The following SUMF1 variants were observed in gnomAD, a reference collection of about 807,000 sequenced individuals.
SUMF1 encodes sulfatase modifying factor 1.
In SUMF1, 48 loss-of-function variants were observed where a neutral mutation model predicts 47.6. The observed-to-expected ratio is 1.01, with a 90% confidence interval of 0.80 to 1.28. The LOEUF (loss-of-function observed/expected upper bound fraction) is 1.28. SUMF1 is among the 50% of genes most tolerant of loss of function. The pLI is 0.00. For synonymous variants in SUMF1, 230 were observed against 192.1 expected (o/e 1.20, Z -1.63); for missense variants, 571 against 485.4 (o/e 1.18, Z -1.66).
At chr3:4,456,741 C>T (rs1266683683) in intron 1 of SUMF1, among the ~76,000 whole-genome samples, 776 of 40,880 alleles carry the variant, frequency 0.019, 43 homozygotes, top group East Asian at 0.031. Context: ...TGTATATATA[C>T]ACACATATAT....
At chr3:4,095,675 T>C (rs967161424) in intron 8 of SUMF1, among the ~76,000 whole-genome samples, 7 of 152,050 alleles carry the variant, frequency 4.6e-5, no homozygotes, top group African/African-American at 1.7e-4. Flanking sequence ...AAATTCATAT[T>C]CCTGACTGCC....
intron 8 of SUMF1, among the ~76,000 whole-genome samples, chr3:4,164,145 G>C (rs1694645821): frequency 6.6e-6 from 1 of 152,136 alleles, no homozygotes; most frequent in Non-Finnish European, 1.5e-5. Flanking sequence ...GGCATAACAA[G>C]AAAGGCATGT....
intron 7 of SUMF1, among the ~76,000 whole-genome samples, chr3:4,394,465 G>A (rs1700977434): frequency 6.6e-6 from 1 of 152,152 alleles, no homozygotes; most frequent in South Asian, 2.1e-4. Flanking sequence ...GCCACATACT[G>A]AAGTTTTCTA....
At chr3:4,061,957 C>T (rs112562702) in intron 9 of SUMF1, among the ~76,000 whole-genome samples, 1,956 of 152,102 alleles carry the variant, frequency 0.013, 20 homozygotes, top group Middle Eastern at 0.037. Flanking sequence ...CCTGGTCCTC[C>T]CACCTCTTCT....
Position 4,272,931 on chromosome 3 carries a change from G to A in SUMF1, c.1014+103399C>T, listed in dbSNP as rs560862107. The stretch of plus-strand genomic sequence containing the variant: ...TCTACAGAAAAGTTTAAAAATTAGC[G>A]AGGCATCGTGTTACGCACCTGTAGT... On this transcript the variant is annotated intron_variant and NMD_transcript_variant, in intron 8 of 12. Transcript: ENST00000448413. Among the ~76,000 whole-genome samples, 167 of 152,022 alleles carry A rather than the reference G, an allele frequency of 1.1e-3. 1 individual carries two copies. The highest frequency in any genetic ancestry group is 3.8e-3 in the African/African-American group (158 of 41,440).
chr3:4,337,486 G>A (rs1477022333), intron 8 of SUMF1, among the ~76,000 whole-genome samples: 2 of 151,996 alleles, frequency 1.3e-5, no homozygotes, highest in Admixed American at 6.6e-5. Flanking sequence ...CATATTTAAT[G>A]CTCCCGGATT....
At chr3:4,353,377 C>T (rs112352488) in intron 8 of SUMF1, among the ~76,000 whole-genome samples, 4 of 152,090 alleles carry the variant, frequency 2.6e-5, no homozygotes, top group African/African-American at 7.2e-5. Context: ...CTCAGCCTCC[C>T]GAGTAGCTGG....
chr3:4,456,714 A>ATATGTG (rs1559312295), intron 1 of SUMF1, among the ~76,000 whole-genome samples: 1 of 134,014 alleles, frequency 7.5e-6, no homozygotes. Context: ...ACGTATATAT[A>ATATGTG]TACATATATA....
At chr3:4,211,061 G>A (rs931841385) in intron 8 of SUMF1, among the ~76,000 whole-genome samples, 9 of 139,550 alleles carry the variant, frequency 6.4e-5, no homozygotes, top group Non-Finnish European at 1.2e-4. Flanking sequence ...GCCTGTTGCA[G>A]GACCGTGTGA....
intron 8 of SUMF1, among the ~76,000 whole-genome samples, chr3:4,326,573 A>G (rs1185163818): frequency 1.4e-5 from 2 of 144,296 alleles, no homozygotes; most frequent in East Asian, 3.9e-4. Context: ...GCTGGAATGA[A>G]GTGACATGAT....
At chr3:4,136,434 C>T (rs1180315746) in intron 8 of SUMF1, among the ~76,000 whole-genome samples, 3 of 151,474 alleles carry the variant, frequency 2.0e-5, no homozygotes, top group African/African-American at 7.3e-5. Context: ...AAAGCTGAAA[C>T]TGGATCCCTT....
intron 8 of SUMF1, among the ~76,000 whole-genome samples, chr3:4,220,366 G>A (rs1385720447): frequency 2.0e-5 from 3 of 152,072 alleles, no homozygotes; most frequent in Non-Finnish European, 2.9e-5. Flanking sequence ...TTCCAGTAGC[G>A]ATGTCCAAAG....
chr3:4,261,266 A>T (rs1180081813), intron 8 of SUMF1, among the ~76,000 whole-genome samples: 1 of 152,222 alleles, frequency 6.6e-6, no homozygotes, highest in Non-Finnish European at 1.5e-5. Context: ...GGGGAGAGAA[A>T]CATTCAGTTT....
At chr3:4,452,780 G>T in intron 2 of SUMF1, 96 bp downstream of exon 2, 1 of 1,378,002 alleles carries the variant, frequency 7.3e-7, no homozygotes, top group Non-Finnish European at 1.0e-6. Context: ...GCCACAGAAT[G>T]CAGTAAAAAT....
At chr3:4,329,271 G>T (rs1457096491) in intron 8 of SUMF1, among the ~76,000 whole-genome samples, 1 of 152,180 alleles carries the variant, frequency 6.6e-6, no homozygotes, top group Non-Finnish European at 1.5e-5. Context: ...CTGTGTGGTG[G>T]CTCCAACCCC....
In SUMF1 at chr3:4,183,787, T is replaced by C. The variant is rs141176995; in HGVS notation, c.1015-115042A>G. Among the ~76,000 whole-genome samples the C allele has an allele frequency of 4.3e-4, 66 of 152,194 alleles. No individual in the cohort carries two copies. The East Asian group carries it at 0.01, about 24-fold the overall frequency. ...GGAAGGTGGCTAAAAGGAAATAGGA[T>C]TCTCATTAATTAAAACAAAGAACTG... On this transcript the variant is annotated intron_variant and NMD_transcript_variant, in intron 8 of 12. Coordinates refer to the SUMF1 transcript ENST00000448413.
chr3:4,139,889 C>T (rs761180723), intron 8 of SUMF1, among the ~76,000 whole-genome samples: 2 of 151,954 alleles, frequency 1.3e-5, no homozygotes, highest in Non-Finnish European at 2.9e-5. Context: ...TTTATTTGGG[C>T]TATTTGAACA....
intron 7 of SUMF1, among the ~76,000 whole-genome samples, chr3:4,401,502 C>G (rs1349337259): frequency 1.3e-5 from 2 of 152,074 alleles, no homozygotes; most frequent in African/African-American, 4.8e-5. Flanking sequence ...ACTTTCCAAG[C>G]AAGCAGCAGA....
At chr3:4,137,963 G>T (rs1364526487) in intron 8 of SUMF1, among the ~76,000 whole-genome samples, 1 of 151,856 alleles carries the variant, frequency 6.6e-6, no homozygotes, top group Non-Finnish European at 1.5e-5. Flanking sequence ...AGTTCAGCAA[G>T]GTTGCTGAAT....
Sources: gnomAD v4.1 joint callset for allele counts (sites outside exome capture counted in the v4.1 genomes callset) on GRCh38, gnomAD v4.1.1 for gene constraint, MANE v1.5 for transcripts, NCBI Gene and HGNC (gene_info 2026-07-23, HGNC 2026-07-21) for gene names.